Variants in NLGN1 observed in about 807,000 individuals in gnomAD.
NLGN1 encodes the protein neuroligin 1, also known as neuroligin-1.
NLGN1 carries 12 observed loss-of-function variants against 65.5 expected under a neutral mutation model. The observed-to-expected ratio is 0.18, with a 90% CI of 0.12 to 0.30. The LOEUF (loss-of-function observed/expected upper bound fraction) is 0.30. Ranked by LOEUF, NLGN1 falls within the 10% of genes least tolerant of loss-of-function variation. The pLI is 1.00. For synonymous variants in NLGN1, 350 were observed against 359.5 expected (o/e 0.97, Z 0.30); for missense variants, 750 against 1,007.1 (o/e 0.74, Z 3.46).
At chr3:173,559,680 T>A (rs892322073) in intron 2 of NLGN1, among the ~76,000 whole-genome samples, 1 of 152,208 alleles carries the variant, frequency 6.6e-6, no homozygotes, top group African/African-American at 2.4e-5. Flanking sequence ...TTTTAAGGCA[T>A]GTATAAATAG....
intron 2 of NLGN1, among the ~76,000 whole-genome samples, chr3:173,591,753 A>G (rs1017375388): frequency 2.0e-5 from 3 of 152,178 alleles, no homozygotes; most frequent in African/African-American, 7.2e-5. Flanking sequence ...CCCAGGCATG[A>G]GCAACTCACT....
intron 2 of NLGN1, among the ~76,000 whole-genome samples, chr3:173,453,164 A>G (rs751387862): frequency 1.3e-5 from 2 of 151,716 alleles, no homozygotes; most frequent in Non-Finnish European, 2.9e-5. Flanking sequence ...CACTGGTGCA[A>G]TCACGGCTCA....
chr3:174,001,438 C>A (rs1361458401), intron 4 of NLGN1, among the ~76,000 whole-genome samples: 2 of 152,006 alleles, frequency 1.3e-5, no homozygotes, highest in African/African-American at 4.8e-5. Context: ...TAATTCAGCA[C>A]CTACTCTGTG....
At position 174,125,942 on chromosome 3, in the gene NLGN1, T is replaced by A. The variant is rs552196981; in HGVS notation, c.647-149373T>A. ...ACTTTAACAACACAGAGCTTCTACT[T>A]TAGGGCAGACATCATGCAAGACCTT... On this transcript the variant is annotated intron_variant, in intron 4 of 6. Coordinates refer to ENST00000457714, the Ensembl canonical transcript of NLGN1. Among the ~76,000 whole-genome samples, 19 of 152,228 alleles carry A rather than the reference T, an allele frequency of 1.2e-4. No individual in the cohort carries two copies. The East Asian group carries it at 2.7e-3, about 22-fold the overall frequency.
intron 4 of NLGN1, among the ~76,000 whole-genome samples, chr3:174,226,759 TA>T (rs1739792225): frequency 6.6e-6 from 1 of 151,902 alleles, no homozygotes; most frequent in South Asian, 2.1e-4. Context: ...AAATTTTTTT[TA>T]AAAATGACTT....
At chr3:174,215,108 C>G (rs1737359276) in intron 4 of NLGN1, among the ~76,000 whole-genome samples, 1 of 152,000 alleles carries the variant, frequency 6.6e-6, no homozygotes, top group South Asian at 2.1e-4. Context: ...AGTCCACCTA[C>G]TATTAACCAG....
At chr3:173,919,003 T>A (rs920272701) in intron 4 of NLGN1, among the ~76,000 whole-genome samples, 1 of 152,066 alleles carries the variant, frequency 6.6e-6, no homozygotes, top group Admixed American at 6.5e-5. Flanking sequence ...CAGATTTCAA[T>A]TTCTGTCTCT....
intron 4 of NLGN1, among the ~76,000 whole-genome samples, chr3:174,269,455 T>C (rs937686250): frequency 6.6e-6 from 1 of 151,936 alleles, no homozygotes; most frequent in Admixed American, 6.6e-5. Flanking sequence ...TGTGACTGGC[T>C]TATTTCACAT....
chr3:174,236,212 T>G (rs1741676309), intron 4 of NLGN1, among the ~76,000 whole-genome samples: 1 of 152,136 alleles, frequency 6.6e-6, no homozygotes, highest in Non-Finnish European at 1.5e-5. Context: ...GTGTTCTCTA[T>G]AGGATACATG....
intron 4 of NLGN1, among the ~76,000 whole-genome samples, chr3:174,057,341 C>T (rs1409914764): frequency 2.0e-5 from 3 of 151,934 alleles, no homozygotes; most frequent in Non-Finnish European, 4.4e-5. Flanking sequence ...AAACCAGCAC[C>T]TTATGGAGAT....
chr3:174,208,643 G>T (rs1735860486), intron 4 of NLGN1, among the ~76,000 whole-genome samples: 1 of 140,594 alleles, frequency 7.1e-6, no homozygotes, highest in South Asian at 2.3e-4. Flanking sequence ...TACAACTATT[G>T]CAAGATAGCG....
chr3:174,263,969 C>G (rs1747479733), intron 4 of NLGN1, among the ~76,000 whole-genome samples: 1 of 150,590 alleles, frequency 6.6e-6, no homozygotes, highest in Non-Finnish European at 1.5e-5. Flanking sequence ...ATATGAAATT[C>G]TGGGTTGAAA....
intron 4 of NLGN1, among the ~76,000 whole-genome samples, chr3:174,255,304 G>A (rs1276634147): frequency 2.6e-5 from 4 of 151,724 alleles, no homozygotes; most frequent in African/African-American, 7.3e-5. Flanking sequence ...GCGTGGTGGC[G>A]GGCACCTTGT....
intron 4 of NLGN1, among the ~76,000 whole-genome samples, chr3:173,923,900 A>G (rs1742522399): frequency 6.6e-6 from 1 of 152,176 alleles, no homozygotes; most frequent in African/African-American, 2.4e-5. Context: ...TATAACTTGG[A>G]AAAAGTTCAA....
In NLGN1 at chr3:173,600,200, T is replaced by TCACACACACACAC. The variant is rs1187383560; in HGVS notation, c.-320-4079_-320-4078insCACACACACACAC. ...CTATGTACATGTGTGTACATGTGTGTACACACACACACACACACACACACA... is the reference window on the plus strand; with the variant it reads ...CTATGTACATGTGTGTACATGTGTGTCACACACACACACACACACACACACACACACACACACA... On this transcript the variant is annotated intron_variant, in intron 2 of 6. Coordinates refer to ENST00000457714, the Ensembl canonical transcript of NLGN1. Among the ~76,000 whole-genome samples the TCACACACACACAC allele has an allele frequency of 2.8e-3, 407 of 145,198 alleles. 1 individual carries two copies. The highest frequency in any genetic ancestry group is 0.01 in the East Asian group (51 of 4,892).
chr3:174,050,787 C>T (rs948068123), intron 4 of NLGN1, among the ~76,000 whole-genome samples: 6 of 152,046 alleles, frequency 3.9e-5, no homozygotes, highest in African/African-American at 1.4e-4. Flanking sequence ...TTAAAGTGAA[C>T]ATATGAGTGT....
At chr3:173,551,287 AAAAC>A (rs1332893871) in intron 2 of NLGN1, among the ~76,000 whole-genome samples, 3 of 152,214 alleles carry the variant, frequency 2.0e-5, no homozygotes, top group Non-Finnish European at 4.4e-5. Flanking sequence ...CATATTTTAG[AAAAC>A]AAACCACAAA....
chr3:173,643,728 T>C (rs147633173), intron 3 of NLGN1, among the ~76,000 whole-genome samples: 207 of 152,104 alleles, frequency 1.4e-3, no homozygotes, highest in Non-Finnish European at 2.6e-3. Context: ...GCTACCAGAG[T>C]TGGGGAAACA....
At chr3:173,729,783 T>C (rs1444086730) in intron 3 of NLGN1, among the ~76,000 whole-genome samples, 2 of 152,220 alleles carry the variant, frequency 1.3e-5, no homozygotes, top group East Asian at 3.9e-4. Context: ...ACTCACAATA[T>C]AAATGTGTAT....
Sources: allele counts gnomAD v4.1 joint callset (sites outside exome capture counted in the v4.1 genomes callset), GRCh38; gene constraint gnomAD v4.1.1; transcripts MANE v1.5; gene names NCBI Gene and HGNC (gene_info 2026-07-23, HGNC 2026-07-21).